THOP1: variants seen among roughly 807,000 people sequenced by gnomAD.
THOP1 encodes the protein thimet oligopeptidase 1, also known as thimet oligopeptidase.
In THOP1, 49 loss-of-function variants were observed where a neutral mutation model predicts 71.8. The ratio of observed to expected loss-of-function variants is 0.68; its 90% CI spans 0.54 to 0.87. The LOEUF is 0.87. Among genes scored for constraint, THOP1 ranks in the 40% least tolerant of loss-of-function variants. THOP1 has a pLI of 0.00. For missense variants in THOP1, 843 were observed against 975.6 expected (o/e 0.86, Z 1.81); for synonymous variants, 426 against 421.5 (o/e 1.01, Z -0.13).
rs1310124020 is a variant in THOP1, at chr19:2,808,462, C to G, written c.1455+18C>G. 8 of 1,442,212 alleles carry G rather than the reference C, an allele frequency of 5.5e-6. No homozygotes were observed. The highest frequency in any genetic ancestry group is 7.2e-6 in the Non-Finnish European group (8 of 1,105,078). 89.3% of individuals were successfully genotyped at this position (1,442,212 alleles called of 1,614,324 possible). A position where few individuals can be genotyped will look rare whatever the true frequency, so the allele number is the denominator to read the frequency against. On this transcript the variant is annotated intron_variant, in intron 9 of 12. Transcript: ENST00000307741. ...GCTCCCAGGTGGGTGCGGGCCCGGG[C>G]AGGGGCAGGGGCAGGGGCAGGGGCA...
intron 7 of THOP1, 99 bp downstream of exon 7, chr19:2,807,151 C>T: frequency 1.4e-6 from 2 of 1,428,450 alleles, no homozygotes; most frequent in African/African-American, 1.4e-5. Context: ...TTGTCCTTTC[C>T]CTCCATGAAG....
At position 2,799,692 on chromosome 19, in the gene THOP1, A is replaced by G. The variant is rs1916100549; in HGVS notation, c.490A>G (p.Ile164Val). Residue 164 changes from isoleucine to valine, a missense_variant, in exon 5 of 13, where the codon ATC becomes GTC. Ile to Val is a conservative substitution (Grantham distance 29). Transcript: ENST00000307741. ...LHLPRETQENIKRIKKKLSLL... is the reference protein window; with the variant it reads ...LHLPRETQENVKRIKKKLSLL... ...CACGCCCCGCCTTTCTCTCCAGAAC[A>G]TCAAACGCATCAAGAAGAAGCTGAG... 1 of 1,612,152 alleles carries G rather than the reference A, an allele frequency of 6.2e-7. No individual in the cohort carries two copies. Among genetic ancestry groups the G allele is most frequent in the Non-Finnish European group, 8.5e-7 (1 of 1,178,988 alleles).
intron 9 of THOP1, chr19:2,809,575 G>A (rs1916401904): frequency 6.6e-6 from 1 of 152,236 alleles, no homozygotes; most frequent in South Asian, 2.1e-4. Flanking sequence ...GTCCAGGAAT[G>A]AGGATCGACC....
chr19:2,802,461 A>G (rs1599526772), intron 5 of THOP1, among the ~76,000 whole-genome samples: 1 of 79,668 alleles, frequency 1.3e-5, no homozygotes, highest in Non-Finnish European at 2.5e-5. Context: ...CGACACCCCC[A>G]CCTCCCGACA....
At chr19:2,799,646 G>A (rs557509081) in intron 4 of THOP1, 43 bp from the exon 5 acceptor site, 25 of 1,416,256 alleles carry the variant, frequency 1.8e-5, no homozygotes, top group African/African-American at 7.0e-5. Context: ...CGCGGAGCCC[G>A]CCCCGGTCTC....
At chr19:2,792,256 G>A (rs1050915926) in intron 2 of THOP1, among the ~76,000 whole-genome samples, 1 of 152,184 alleles carries the variant, frequency 6.6e-6, no homozygotes, top group Non-Finnish European at 1.5e-5. Context: ...ACAGGGTCTT[G>A]CTCTGTCACC....
chr19:2,810,676 T>A lies in THOP1; in HGVS notation c.1679T>A (p.Val560Glu), dbSNP rs1219009087. The change falls in exon 11 of 13, where the codon GTG (valine) becomes GAG (glutamate). Residue 560 changes from valine (V) to glutamate (E), a missense_variant. Physicochemically the swap from Val to Glu is moderately radical, Grantham distance 121 (BLOSUM62 -2). Transcript: ENST00000307741. ...FNLRQIVLAK[V>E]DQALHTQTDA... The stretch of plus-strand genomic sequence containing the variant: ...CTGCGCCAGATCGTCCTCGCCAAGG[T>A]GGACCAGGCCCTGCACACGCAGACG... The A allele has an allele frequency of 6.4e-7, 1 of 1,565,180 alleles. No individual in the cohort carries two copies. Among genetic ancestry groups the A allele is most frequent in the Non-Finnish European group, 8.7e-7 (1 of 1,154,592 alleles).
At chr19:2,796,424 T>A (rs1429106268) in intron 4 of THOP1, among the ~76,000 whole-genome samples, 3 of 143,382 alleles carry the variant, frequency 2.1e-5, no homozygotes, top group Non-Finnish European at 3.0e-5. Flanking sequence ...GCACAGGGAG[T>A]GCTGGGTGCC....
intron 1 of THOP1, 76 bp from the exon 2 acceptor site, chr19:2,790,345 C>A: frequency 7.3e-7 from 1 of 1,368,424 alleles, no homozygotes; most frequent in Non-Finnish European, 9.8e-7. Context: ...CCCTTCCTTT[C>A]CCTCTGCCCT....
At chr19:2,799,984 C>T (rs989338060) in intron 5 of THOP1, among the ~76,000 whole-genome samples, 193 bp downstream of exon 5, 1 of 152,224 alleles carries the variant, frequency 6.6e-6, no homozygotes, top group African/African-American at 2.4e-5. Context: ...CCGTTTACAG[C>T]CAAAAGCTCT....
intron 4 of THOP1, among the ~76,000 whole-genome samples, chr19:2,796,921 G>A (rs2144765150): frequency 6.6e-6 from 1 of 152,310 alleles, no homozygotes; most frequent in Non-Finnish European, 1.5e-5. Flanking sequence ...TGAGTTAGTT[G>A]GTGCAGAGCT....
chr19:2,804,903 G>A lies in THOP1; in HGVS notation c.590-113G>A, dbSNP rs1916251803. 1.8e-6 allele frequency: 2 copies of A among 1,092,006 alleles called. No homozygotes were observed. The highest frequency in any genetic ancestry group is 5.6e-5 in the East Asian group (2 of 35,898). 67.6% of individuals were successfully genotyped at this position (1,092,006 alleles called of 1,614,324 possible). A position where few individuals can be genotyped will look rare whatever the true frequency, so the allele number is the denominator to read the frequency against. On this transcript the variant is annotated intron_variant, in intron 5 of 12. Transcript: ENST00000307741. The surrounding 1 kb of genome is among the most constrained non-coding windows in gnomAD (Gnocchi z 4.7). ...GGCCAGGCTGCAGCTGCTCGCTGAG[G>A]GCCCCCTTGTAGCTTTCCAGGCAGA...
At chr19:2,806,788 C>T (rs1397290493) in intron 6 of THOP1, 129 bp from the exon 7 acceptor site, 6 of 1,505,714 alleles carry the variant, frequency 4.0e-6, no homozygotes, top group Non-Finnish European at 5.4e-6. Context: ...GTAACACAGG[C>T]CGAGAGGGGC....
chr19:2,794,006 T>G, intron 2 of THOP1, among the ~76,000 whole-genome samples: 1 of 151,206 alleles, frequency 6.6e-6, no homozygotes, highest in Non-Finnish European at 1.5e-5. Context: ...TTTAAAGCTT[T>G]TTTTTTTTTC....
intron 3 of THOP1, among the ~76,000 whole-genome samples, chr19:2,795,309 AC>A (rs1365117146): frequency 6.6e-6 from 1 of 152,194 alleles, no homozygotes; most frequent in Admixed American, 6.5e-5. Flanking sequence ...TGTGACCCAA[AC>A]ACCCCATCCC....
rs552857232 is a variant in THOP1 at position 2,810,404 on chromosome 19, T to G, written c.1556T>G (p.Leu519Arg). 1.9e-6 allele frequency: 3 copies of G among 1,609,964 alleles called. No homozygotes were observed. Among genetic ancestry groups the G allele is most frequent in the Non-Finnish European group, 2.5e-6 (3 of 1,179,416 alleles). ...ENWVWEQEPL[L>R]RMSRHYRTGS... is the part of the protein sequence containing the mutation. ...TGGGTGTGGGAGCAGGAGCCGCTGCTGCGGATGTCGCGGCACTACCGCACA... is the reference window on the plus strand; with the variant it reads ...TGGGTGTGGGAGCAGGAGCCGCTGCGGCGGATGTCGCGGCACTACCGCACA... Residue 519 changes from leucine (L) to arginine (R), a missense_variant, in exon 10 of 13, where the codon CTG becomes CGG. Transcript: ENST00000307741.
rs1916555051 is a variant in THOP1, at chr19:2,814,094, C to T, written c.*818C>T. ...AGCTGCTGGAAGCTCGGCCATGGCC[C>T]TCATCCTCATGGCCTTGGGGACTGC... On this transcript the variant is annotated 3_prime_UTR_variant, in exon 13 of 13. Transcript: ENST00000307741. 6.6e-6 allele frequency: 1 copy of T among 152,440 alleles called. No homozygotes were observed. Among genetic ancestry groups the T allele is most frequent in the African/African-American group, 2.4e-5 (1 of 41,454 alleles). The allele number at this position is 152,440 out of a possible 1,614,324, so 9.4% of individuals were successfully genotyped here.
In THOP1 at chr19:2,807,043, A is replaced by T. The variant is rs776987302; in HGVS notation, c.877A>T (p.Thr293Ser). The T allele has an allele frequency of 6.2e-7, 1 of 1,609,880 alleles. No individual in the cohort carries two copies. The highest frequency in any genetic ancestry group is 1.1e-5 in the South Asian group (1 of 90,958). ...GGCCAAGACCAGCCAGACCGTGGCCACCTTCCTAGGTAGCCCTTCCTTCCT... is the reference window on the plus strand; with the variant it reads ...GGCCAAGACCAGCCAGACCGTGGCCTCCTTCCTAGGTAGCCCTTCCTTCCT... ...NMAKTSQTVATFLDELAQKLK... is the reference protein window; with the variant it reads ...NMAKTSQTVASFLDELAQKLK... Residue 293 changes from threonine (T) to serine (S), a missense_variant, in exon 7 of 13, where the codon ACC (threonine) becomes TCC (serine). Thr to Ser is a moderately conservative substitution (Grantham distance 58, BLOSUM62 1). Transcript: ENST00000307741.
rs924890445 is a variant in THOP1, at chr19:2,810,205, A to G, written c.1456-99A>G. The G allele has an allele frequency of 2.4e-5, 35 of 1,432,976 alleles. No homozygotes were observed. In the African/African-American group the frequency reaches 4.0e-4, roughly 17 times the overall value. 88.8% of individuals were successfully genotyped at this position (1,432,976 alleles called of 1,614,324 possible). On this transcript the variant is annotated intron_variant, in intron 9 of 12. Transcript: ENST00000307741. ...GCCGGGCCCAGCGCATCACCTGTGC[A>G]CTCGCCCTGTTTGCACTGTGGCAGC...
Sources: allele counts gnomAD v4.1 joint callset (sites outside exome capture counted in the v4.1 genomes callset), GRCh38; gene constraint gnomAD v4.1.1; non-coding constraint Gnocchi (gnomAD v3.1); transcripts MANE v1.5; gene names NCBI Gene and HGNC (gene_info 2026-07-23, HGNC 2026-07-21).